The following MARCHF9 variants were observed in gnomAD, a reference collection of about 807,000 sequenced individuals.
The protein encoded by MARCHF9 is E3 ubiquitin-protein ligase MARCHF9.
A neutral mutation model predicts 35.2 loss-of-function variants in MARCHF9; 17 were observed. The observed-to-expected ratio is 0.48, with a 90% CI of 0.33 to 0.72. The LOEUF is 0.72. MARCHF9 is among the 30% of genes least tolerant of loss of function. MARCHF9 has a pLI of 0.02. For missense variants in MARCHF9, 386 were observed against 478.2 expected (o/e 0.81, Z 1.80); for synonymous variants, 183 against 207.4 (o/e 0.88, Z 1.01).
Position 57,755,527 on chromosome 12 carries a change from C to A in MARCHF9, c.-2C>A. 1 of 1,254,040 alleles carries A rather than the reference C, an allele frequency of 8.0e-7. No homozygotes were observed. Among genetic ancestry groups the A allele is most frequent in the Non-Finnish European group, 1.0e-6 (1 of 989,602 alleles). The allele number at this position is 1,254,040 out of a possible 1,614,324, so 77.7% of individuals were successfully genotyped here. On this transcript the variant is annotated 5_prime_UTR_variant, in exon 1 of 4. Coordinates refer to ENST00000266643, the MANE Select transcript of MARCHF9 (RefSeq NM_138396.6). ...CTGCCCCCCGCCCCCGGTGTCCGGA[C>A]GATGCTCAAGTCTCGGCTCCGCATG...
In MARCHF9 at chr12:57,757,865, T is replaced by G. The variant is rs775652073; in HGVS notation, c.514-243T>G. On this transcript the variant is annotated intron_variant, in intron 2 of 3. Coordinates refer to ENST00000266643, the MANE Select transcript of MARCHF9 (RefSeq NM_138396.6). ...AGCCAGTAAGTGATGGAGTCAAGAT[T>G]TAGGATTCAAATCTAGATGTTTTGG... is the stretch of plus-strand genomic sequence containing the variant. 255 of 617,450 alleles carry G rather than the reference T, an allele frequency of 4.1e-4. 1 individual carries two copies. The highest frequency in any genetic ancestry group is 5.9e-4 in the Non-Finnish European group (202 of 342,046). 38.2% of individuals were successfully genotyped at this position (617,450 alleles called of 1,614,324 possible).
chr12:57,755,912 C>T (rs757871544), intron 1 of MARCHF9, 27 bp downstream of exon 1: 6 of 1,433,414 alleles, frequency 4.2e-6, no homozygotes, highest in Non-Finnish European at 5.5e-6. Flanking sequence ...TGGCCGGGCG[C>T]GGAGGGTGGA....
rs1428388032 is a variant in MARCHF9 at position 57,755,791 on chromosome 12, C to A, written c.263C>A (p.Pro88His). ...CCGCCGCCCGCGCCGCCGCTGCCGC[C>A]CCCGGGCGCGCTGGACGCCCTGTCG... ...PLPPPAPPLP[P>H]PGALDALSLS... The change falls in exon 1 of 4, where the codon CCC becomes CAC. Residue 88 changes from proline (P) to histidine (H), a missense_variant. Coordinates refer to ENST00000266643, the MANE Select transcript of MARCHF9 (RefSeq NM_138396.6). 1 of 1,309,916 alleles carries A rather than the reference C, an allele frequency of 7.6e-7. No homozygotes were observed. The highest frequency in any genetic ancestry group is 9.7e-7 in the Non-Finnish European group (1 of 1,030,378). 81.1% of individuals were successfully genotyped at this position (1,309,916 alleles called of 1,614,324 possible).
chr12:57,759,739 C>CTTTA lies in MARCHF9; in HGVS notation c.*842_*843insTTTA, dbSNP rs1364804070. The CTTTA allele has an allele frequency of 6.6e-6, 1 of 152,188 alleles. No homozygotes were observed. Among genetic ancestry groups the CTTTA allele is most frequent in the African/African-American group, 2.4e-5 (1 of 41,438 alleles). 9.4% of individuals were successfully genotyped at this position (152,188 alleles called of 1,614,324 possible). On this transcript the variant is annotated 3_prime_UTR_variant, in exon 4 of 4. Transcript: ENST00000266643. ...CCGTTGCAGAGAAAATCAGCAATGACATAAAGAGATTTCTAGAATAGTTGA... is the reference window on the plus strand; with the variant it reads ...CCGTTGCAGAGAAAATCAGCAATGACTTTAATAAAGAGATTTCTAGAATAGTTGA...
In MARCHF9 at chr12:57,760,391, CTTCA is replaced by C. The variant is rs1955311744; in HGVS notation, c.*1499_*1502del. The C allele has an allele frequency of 6.6e-6, 1 of 152,154 alleles. No individual in the cohort carries two copies. Among genetic ancestry groups the C allele is most frequent in the South Asian group, 2.1e-4 (1 of 4,832 alleles). 9.4% of individuals were successfully genotyped at this position (152,154 alleles called of 1,614,324 possible). On this transcript the variant is annotated 3_prime_UTR_variant, in exon 4 of 4. Coordinates refer to ENST00000266643, the MANE Select transcript of MARCHF9 (RefSeq NM_138396.6). ...CCATTCAACAGCAATTAAATAATTC[CTTCA>C]TTCACGGCTAAAGTCAGATCTGGAG... is the stretch of plus-strand genomic sequence containing the variant.
Position 57,755,372 on chromosome 12 carries a change from C to T in MARCHF9, c.-157C>T, listed in dbSNP as rs1414859036. ...CTCGGCCCCGCAAGCACCGGAGCCC[C>T]GGCGGTGGCAGCAGTGAACGGCTGT... On this transcript the variant is annotated 5_prime_UTR_variant, in exon 1 of 4. Coordinates refer to ENST00000266643, the MANE Select transcript of MARCHF9 (RefSeq NM_138396.6). The T allele has an allele frequency of 1.0e-5, 4 of 401,340 alleles. No individual in the cohort carries two copies. Among genetic ancestry groups the T allele is most frequent in the African/African-American group, 4.2e-5 (2 of 47,508 alleles). The allele number at this position is 401,340 out of a possible 1,614,324, so 24.9% of individuals were successfully genotyped here. A position where few individuals can be genotyped will look rare whatever the true frequency, so the allele number is the denominator to read the frequency against.
In MARCHF9 at chr12:57,760,061, G is replaced by A. The variant is rs1236276708; in HGVS notation, c.*1164G>A. On this transcript the variant is annotated 3_prime_UTR_variant, in exon 4 of 4. Coordinates refer to ENST00000266643, the MANE Select transcript of MARCHF9 (RefSeq NM_138396.6). ...TACTGTGCTCACCCAGAAAAGCAGTGTGAAGTGAATTTGGACTCATTTGGA... is the reference window on the plus strand; with the variant it reads ...TACTGTGCTCACCCAGAAAAGCAGTATGAAGTGAATTTGGACTCATTTGGA... 6.6e-6 allele frequency: 1 copy of A among 152,224 alleles called. No homozygotes were observed. The highest frequency in any genetic ancestry group is 2.4e-5 in the African/African-American group (1 of 41,442). The allele number at this position is 152,224 out of a possible 1,614,324, so 9.4% of individuals were successfully genotyped here.
rs1224221835 is a variant in MARCHF9, at chr12:57,755,668, C to T, written c.140C>T (p.Ser47Phe). Reference sequence around the variant, plus strand: ...GGCTGGGCGCCCTTCGCTGGCTGCTCCACCCGGGACGGCGACGGCGACGAG... The same window carrying T: ...GGCTGGGCGCCCTTCGCTGGCTGCTTCACCCGGGACGGCGACGGCGACGAG... ...GCGWAPFAGC[S>F]TRDGDGDEEE... The change falls in exon 1 of 4, where the codon TCC (serine) becomes TTC (phenylalanine). Residue 47 changes from serine (S) to phenylalanine (F), a missense_variant. Ser to Phe is a radical substitution (Grantham distance 155). Around this residue, in one of 3 missense-constraint regions of MARCHF9, gnomAD observed 219 missense variants for 316.2 expected, o/e 0.69. Transcript: ENST00000266643. 3 of 1,289,338 alleles carry T rather than the reference C, an allele frequency of 2.3e-6. No homozygotes were observed. The highest frequency in any genetic ancestry group is 3.1e-5 in the African/African-American group (2 of 64,190). 79.9% of individuals were successfully genotyped at this position (1,289,338 alleles called of 1,614,324 possible). A position where few individuals can be genotyped will look rare whatever the true frequency, so the allele number is the denominator to read the frequency against.
At chr12:57,757,162 A>G in intron 2 of MARCHF9, 78 bp downstream of exon 2, 2 of 1,417,158 alleles carry the variant, frequency 1.4e-6, no homozygotes, top group Non-Finnish European at 1.9e-6. Flanking sequence ...CAGGAAGCCT[A>G]TTTCATTTAC....
Position 57,759,165 on chromosome 12 carries a change from C to T in MARCHF9, c.*268C>T, listed in dbSNP as rs1048691. The T allele has an allele frequency of 0.23, 96,045 of 426,384 alleles. 12,083 individuals carry two copies. The highest frequency in any genetic ancestry group is 0.35 in the Admixed American group (9,060 of 25,580). The allele number at this position is 426,384 out of a possible 1,614,324, so 26.4% of individuals were successfully genotyped here. ...CAGGCGGGGAGAGCAGCTTTCCTTC[C>T]CTGGAGAGAACCGTCTTTACCTCAG... On this transcript the variant is annotated 3_prime_UTR_variant, in exon 4 of 4. Transcript: ENST00000266643.
chr12:57,757,707 T>A (rs1260146842), intron 2 of MARCHF9: 4 of 513,490 alleles, frequency 7.8e-6, no homozygotes, highest in Non-Finnish European at 1.4e-5. Context: ...AAATATGTAG[T>A]GTTTTCTGTG....
At position 57,755,500 on chromosome 12, in the gene MARCHF9, C is replaced by A. The variant is rs1218098967; in HGVS notation, c.-29C>A. On this transcript the variant is annotated 5_prime_UTR_variant, in exon 1 of 4. Coordinates refer to ENST00000266643, the MANE Select transcript of MARCHF9 (RefSeq NM_138396.6). ...CCGCCGCTAGCGAGCCCCCCTTGCA[C>A]GCTGCCCCCCGCCCCCGGTGTCCGG... is the stretch of plus-strand genomic sequence containing the variant. 9.8e-7 allele frequency: 1 copy of A among 1,024,230 alleles called. No individual in the cohort carries two copies. The highest frequency in any genetic ancestry group is 1.3e-6 in the Non-Finnish European group (1 of 787,088). 63.4% of individuals were successfully genotyped at this position (1,024,230 alleles called of 1,614,324 possible).
chr12:57,755,715 C>G lies in MARCHF9; in HGVS notation c.187C>G (p.Pro63Ala). 8.1e-7 allele frequency: 1 copy of G among 1,230,954 alleles called. No homozygotes were observed. Among genetic ancestry groups the G allele is most frequent in the Non-Finnish European group, 1.0e-6 (1 of 988,586 alleles). 76.3% of individuals were successfully genotyped at this position (1,230,954 alleles called of 1,614,324 possible). Reference protein sequence around the residue: ...GDEEEYYGSEPRARGLAGDKE... With the variant: ...GDEEEYYGSEARARGLAGDKE... ...CGAGGAGGAGTACTACGGGTCGGAG[C>G]CGCGGGCCCGGGGCCTGGCCGGCGA... The change falls in exon 1 of 4, where the codon CCG becomes GCG. Residue 63 changes from proline to alanine, a missense_variant. Pro to Ala is a conservative substitution (Grantham distance 27). Coordinates refer to ENST00000266643, the MANE Select transcript of MARCHF9 (RefSeq NM_138396.6).
intron 1 of MARCHF9, among the ~76,000 whole-genome samples, chr12:57,756,341 GA>G (rs1955287884): frequency 1.3e-5 from 2 of 152,022 alleles, no homozygotes; most frequent in South Asian, 4.2e-4. Context: ...TCATTCTAAA[GA>G]GTATTCTTTG....
rs749926321 is a variant in MARCHF9, at chr12:57,755,589, G to C, written c.61G>C (p.Gly21Arg). The C allele has an allele frequency of 1.1e-5, 15 of 1,399,616 alleles. No homozygotes were observed. The highest frequency in any genetic ancestry group is 1.5e-5 in the African/African-American group (1 of 66,494). The allele number at this position is 1,399,616 out of a possible 1,614,324, so 86.7% of individuals were successfully genotyped here. A position where few individuals can be genotyped will look rare whatever the true frequency, so the allele number is the denominator to read the frequency against. Reference sequence around the variant, plus strand: ...GCTGAAGCTGCTGGTGCTGACAGGCGGGGGGCGGCCCCGGGCCGAGCCGCA... The same window carrying C: ...GCTGAAGCTGCTGGTGCTGACAGGCCGGGGGCGGCCCCGGGCCGAGCCGCA... ...NELKLLVLTG[G>R]GRPRAEPQPR... Residue 21 changes from glycine (G) to arginine (R), a missense_variant, in exon 1 of 4, where the codon GGG becomes CGG. Coordinates refer to ENST00000266643, the MANE Select transcript of MARCHF9 (RefSeq NM_138396.6).
At chr12:57,757,139 C>T in intron 2 of MARCHF9, 55 bp downstream of exon 2, 2 of 1,438,886 alleles carry the variant, frequency 1.4e-6, no homozygotes, top group Non-Finnish European at 1.8e-6. Flanking sequence ...AGCTATTGGA[C>T]TCAGGGACCC....
In MARCHF9 at chr12:57,758,773, G is replaced by T; in HGVS notation, c.917G>T (p.Arg306Leu). ...CGCCCCCCAGCTGCCCAGCGCATGC[G>T]GACGCTCTTGCCTCAGCGCTGCGGT... ...TSRPPAAQRM[R>L]TLLPQRCGYT... is the part of the protein sequence containing the mutation. Residue 306 changes from arginine to leucine, a missense_variant, in exon 4 of 4, where the codon CGG (arginine) becomes CTG (leucine). This residue lies in a region of MARCHF9 where 111 missense variants were observed against 112.4 expected (regional missense o/e 0.99). Transcript: ENST00000266643. This position sits in a 1 kb window ranked among gnomAD's most constrained non-coding sequence, Gnocchi z 5.4. 1 of 1,612,922 alleles carries T rather than the reference G, an allele frequency of 6.2e-7. No homozygotes were observed. The highest frequency in any genetic ancestry group is 8.5e-7 in the Non-Finnish European group (1 of 1,179,660).
In MARCHF9 at chr12:57,758,727, C is replaced by G. The variant is rs1167404637; in HGVS notation, c.871C>G (p.Pro291Ala). Residue 291 changes from proline (P) to alanine (A), a missense_variant, in exon 4 of 4, where the codon CCC becomes GCC. By Grantham distance (27) the Pro-to-Ala change is conservative. Around this residue, in one of 3 missense-constraint regions of MARCHF9, gnomAD observed 111 missense variants for 112.4 expected, o/e 0.99. Coordinates refer to ENST00000266643, the MANE Select transcript of MARCHF9 (RefSeq NM_138396.6). The surrounding 1 kb of genome is among the most constrained non-coding windows in gnomAD (Gnocchi z 5.4). ...AGGCCCCAGGAACTCACGGACGGGC[C>G]CCACCTCTGGGGCCACGAGCCGCCC... ...KSGPRNSRTG[P>A]TSGATSRPPA... 3.1e-6 allele frequency: 5 copies of G among 1,610,480 alleles called. No individual in the cohort carries two copies. In the Admixed American group the frequency reaches 5.0e-5, roughly 16 times the overall value.
chr12:57,756,934 G>T lies in MARCHF9; in HGVS notation c.363G>T (p.Glu121Asp). 6.5e-7 allele frequency: 1 copy of T among 1,544,882 alleles called. No individual in the cohort carries two copies. Among genetic ancestry groups the T allele is most frequent in the Non-Finnish European group, 8.7e-7 (1 of 1,144,630 alleles). Residue 121 changes from glutamate (E) to aspartate (D), a missense_variant, in exon 2 of 4, where the codon GAG becomes GAT. Physicochemically the swap from Glu to Asp is conservative, Grantham distance 45 (BLOSUM62 2). Coordinates refer to ENST00000266643, the MANE Select transcript of MARCHF9 (RefSeq NM_138396.6). ...CCTCCTCACTCTTCCTCCAGGGGGA[G>T]CTCTTAAGCCCCTGCCGCTGCGACG... ...RICFQGPEQG[E>D]LLSPCRCDGS...
Sources: gnomAD v4.1 joint callset for allele counts (sites outside exome capture counted in the v4.1 genomes callset) on GRCh38, gnomAD v4.1.1 for gene constraint, gnomAD v4.1.1 regional missense constraint, Gnocchi (gnomAD v3.1) non-coding constraint, MANE v1.5 for transcripts, NCBI Gene and HGNC (gene_info 2026-07-23, HGNC 2026-07-21) for gene names.